The following ITGBL1 variants were observed in gnomAD, a reference collection of about 807,000 sequenced individuals.
The protein encoded by ITGBL1 is integrin beta-like protein 1.
A neutral mutation model predicts 68.5 loss-of-function variants in ITGBL1; 51 were observed. That is an observed-to-expected ratio of 0.74 (90% CI 0.59 to 0.94). The LOEUF (loss-of-function observed/expected upper bound fraction) is 0.94, where lower values mean the gene tolerates loss of function less well. ITGBL1 is among the 40% of genes least tolerant of loss of function. ITGBL1 has a pLI of 0.00. For missense variants in ITGBL1, 649 were observed against 647.4 expected, an observed-to-expected ratio of 1.00 and a Z score of -0.03; for synonymous variants, 209 against 227.3, an observed-to-expected ratio of 0.92 and a Z score of 0.72.
chr13:101,512,239 G>A (rs962818634), intron 2 of ITGBL1, among the ~76,000 whole-genome samples: 1 of 151,752 alleles, frequency 6.6e-6, no homozygotes, highest in Non-Finnish European at 1.5e-5. Flanking sequence ...GCCTTTGCTG[G>A]GTTATTTCTG....
chr13:101,574,313 T>G (rs1193696430), intron 3 of ITGBL1, among the ~76,000 whole-genome samples: 1 of 152,094 alleles, frequency 6.6e-6, no homozygotes, highest in African/African-American at 2.4e-5. Context: ...TGCTATTGTC[T>G]CATGCTGGAA....
At chr13:101,675,586 C>T (rs943307379) in intron 7 of ITGBL1, among the ~76,000 whole-genome samples, 1 of 152,226 alleles carries the variant, frequency 6.6e-6, no homozygotes, top group East Asian at 1.9e-4. Flanking sequence ...ATTAGGGTCA[C>T]CTTAATGATC....
chr13:101,603,471 T>C (rs1473419493), intron 7 of ITGBL1, among the ~76,000 whole-genome samples: 6 of 151,978 alleles, frequency 3.9e-5, no homozygotes, highest in African/African-American at 1.2e-4. Flanking sequence ...TTGTTCTATC[T>C]GCATTGGAAT....
At chr13:101,656,134 G>A (rs1355629342) in intron 7 of ITGBL1, among the ~76,000 whole-genome samples, 1 of 152,100 alleles carries the variant, frequency 6.6e-6, no homozygotes, top group African/African-American at 2.4e-5. Flanking sequence ...TGAAGACCTG[G>A]GATATATAGA....
chr13:101,597,625 T>C (rs1007836292), intron 6 of ITGBL1, among the ~76,000 whole-genome samples: 3 of 151,964 alleles, frequency 2.0e-5, no homozygotes, highest in Non-Finnish European at 4.4e-5. Context: ...GAACTTGGCT[T>C]GCTGCAATGT....
intron 2 of ITGBL1, among the ~76,000 whole-genome samples, chr13:101,551,452 G>T (rs993756471): frequency 6.6e-6 from 1 of 152,154 alleles, no homozygotes; most frequent in Admixed American, 6.5e-5. Flanking sequence ...AGAAGTCAAG[G>T]CTCCTTGAAA....
At chr13:101,565,796 A>G (rs1352998719) in intron 2 of ITGBL1, among the ~76,000 whole-genome samples, 1 of 152,072 alleles carries the variant, frequency 6.6e-6, no homozygotes, top group African/African-American at 2.4e-5. Flanking sequence ...AGAGAGTTTC[A>G]TGAAACTGAG....
chr13:101,473,654 C>T (rs935066082), intron 2 of ITGBL1, among the ~76,000 whole-genome samples: 2 of 152,166 alleles, frequency 1.3e-5, no homozygotes, highest in Non-Finnish European at 2.9e-5. Context: ...ATGCATGTGA[C>T]CTGGTGAGAC....
intron 5 of ITGBL1, among the ~76,000 whole-genome samples, chr13:101,581,226 G>A (rs2050452357): frequency 6.6e-6 from 1 of 152,086 alleles, no homozygotes; most frequent in East Asian, 1.9e-4. Flanking sequence ...TTTCATAGTG[G>A]ACCCCTTTAC....
chr13:101,596,104 G>T (rs111897503), intron 6 of ITGBL1, among the ~76,000 whole-genome samples: 2 of 151,824 alleles, frequency 1.3e-5, no homozygotes, highest in South Asian at 2.1e-4. Context: ...AATAGTATTC[G>T]TCCTTTAAGA....
chr13:101,543,091 C>G (rs143085302), intron 2 of ITGBL1, among the ~76,000 whole-genome samples: 2 of 152,136 alleles, frequency 1.3e-5, no homozygotes, highest in African/African-American at 2.4e-5. Context: ...TGAATTTGAT[C>G]CTGTCATTAT....
chr13:101,583,128 T>C, intron 5 of ITGBL1, 88 bp from the exon 6 acceptor site: 2 of 1,353,570 alleles, frequency 1.5e-6, no homozygotes, highest in Non-Finnish European at 2.1e-6. Flanking sequence ...AAACACAAAG[T>C]AAACAGAAAA....
chr13:101,484,584 A>T (rs1385968347), intron 2 of ITGBL1, among the ~76,000 whole-genome samples: 2 of 152,172 alleles, frequency 1.3e-5, no homozygotes, highest in Non-Finnish European at 2.9e-5. Flanking sequence ...ATTAAAACAG[A>T]AAAATATTTT....
At chr13:101,643,134 G>C (rs1400824594) in intron 7 of ITGBL1, among the ~76,000 whole-genome samples, 2 of 150,510 alleles carry the variant, frequency 1.3e-5, no homozygotes, top group Non-Finnish European at 3.0e-5. Context: ...GATGGCATTG[G>C]ATCTATAAAT....
intron 7 of ITGBL1, among the ~76,000 whole-genome samples, chr13:101,653,650 A>C (rs908860277): frequency 1.3e-5 from 2 of 152,092 alleles, no homozygotes; most frequent in Non-Finnish European, 2.9e-5. Flanking sequence ...TGCTATTATG[A>C]ACTATGACCA....
chr13:101,582,441 T>C (rs772422935), intron 5 of ITGBL1, among the ~76,000 whole-genome samples: 32 of 152,190 alleles, frequency 2.1e-4, no homozygotes, highest in Non-Finnish European at 4.4e-4. Flanking sequence ...CTCTATCAAA[T>C]GATTAGCTGG....
chr13:101,550,878 A>T (rs937998884), intron 2 of ITGBL1, among the ~76,000 whole-genome samples: 24 of 152,354 alleles, frequency 1.6e-4, no homozygotes, highest in African/African-American at 5.8e-4. Context: ...CCAGGAAAAA[A>T]AATAGAACAA....
At chr13:101,688,455 A>T (rs557141729) in intron 7 of ITGBL1, among the ~76,000 whole-genome samples, 1 of 152,144 alleles carries the variant, frequency 6.6e-6, no homozygotes, top group East Asian at 1.9e-4. Flanking sequence ...AGAAATAGGG[A>T]ACATAAAGTC....
chr13:101,602,748 C>T (rs1317007730), intron 7 of ITGBL1, among the ~76,000 whole-genome samples: 1 of 151,968 alleles, frequency 6.6e-6, no homozygotes, highest in Non-Finnish European at 1.5e-5. Flanking sequence ...TCCCAGAACC[C>T]CTGGAAACCA....
Sources: gnomAD v4.1 joint callset for allele counts (sites outside exome capture counted in the v4.1 genomes callset) on GRCh38, gnomAD v4.1.1 for gene constraint, MANE v1.5 for transcripts, NCBI Gene and HGNC (gene_info 2026-07-23, HGNC 2026-07-21) for gene names.